CCDC102B: variants seen among roughly 807,000 people sequenced by gnomAD.
CCDC102B encodes coiled-coil domain containing 102B.
Under a neutral mutation model 57.4 loss-of-function variants are expected in CCDC102B, and 75 were observed. That is an observed-to-expected ratio of 1.31 (90% confidence interval 1.08 to 1.58). The LOEUF is 1.58. Among genes scored for constraint, CCDC102B ranks in the 40% most tolerant of loss-of-function variants. The pLI, the probability that CCDC102B is intolerant of heterozygous loss-of-function variation, is 0.00. For synonymous variants in CCDC102B, 206 were observed against 201.9 expected (o/e 1.02, Z -0.17); for missense variants, 636 against 582.6 (o/e 1.09, Z -0.94).
Position 68,857,369 on chromosome 18 carries a change from C to A in CCDC102B, c.936+10948C>A, listed in dbSNP as rs181328909. 3.7e-3 allele frequency among the ~76,000 whole-genome samples: 294 copies of A among 78,756 alleles called. 5 individuals are homozygous for A. The highest frequency in any genetic ancestry group is 0.012 in the African/African-American group (271 of 22,328). 51.7% of individuals were successfully genotyped at this position (78,756 alleles called of 152,430 possible). A position where few individuals can be genotyped will look rare whatever the true frequency, so the allele number is the denominator to read the frequency against. On this transcript the variant is annotated intron_variant, in intron 4 of 7. Coordinates refer to ENST00000360242, the MANE Select transcript of CCDC102B (RefSeq NM_024781.3). ...ATATTATAAATATATATATTTATTT[C>A]TATATATAAATATATATTTATTATT...
chr18:69,050,100 C>T (rs58778567), intron 7 of CCDC102B, among the ~76,000 whole-genome samples: 4,964 of 152,208 alleles, frequency 0.033, 282 homozygotes, highest in African/African-American at 0.11. Context: ...TGAGCCACTG[C>T]GCACGGCCTT....
intron 6 of CCDC102B, among the ~76,000 whole-genome samples, chr18:68,989,866 G>T (rs1243911792): frequency 1.3e-5 from 2 of 152,120 alleles, no homozygotes; most frequent in Non-Finnish European, 2.9e-5. Flanking sequence ...TAACCGCTCC[G>T]CTATCAGCTC....
intron 7 of CCDC102B, among the ~76,000 whole-genome samples, chr18:69,017,068 TAAG>T (rs1184691903): frequency 7.0e-6 from 1 of 143,476 alleles, no homozygotes; most frequent in Non-Finnish European, 1.6e-5. Context: ...GTGTTATTAA[TAAG>T]ATTTACTTTT....
At chr18:68,793,665 C>A (rs958444016), upstream of CCDC102B, among the ~76,000 whole-genome samples, 1 of 152,080 alleles carries the variant, frequency 6.6e-6, no homozygotes, top group Non-Finnish European at 1.5e-5. Context: ...AATGATGAGA[C>A]CAAGATATGT....
chr18:69,016,544 G>A lies in CCDC102B; in HGVS notation c.1434+5440G>A, dbSNP rs563027217. On this transcript the variant is annotated intron_variant, in intron 7 of 7. Coordinates refer to ENST00000360242, the MANE Select transcript of CCDC102B (RefSeq NM_024781.3). ...TCAATTATCACCCTGCCATGATAAC[G>A]TGTTACCTTAGTGTATGGGCTTCAA... is the stretch of plus-strand genomic sequence containing the variant. Among the ~76,000 whole-genome samples, 7 of 152,264 alleles carry A rather than the reference G, an allele frequency of 4.6e-5. No individual in the cohort carries two copies. The East Asian group carries it at 1.2e-3, about 25-fold the overall frequency.
At chr18:68,745,140 GA>G (rs2033561957) in intron 2 of CCDC102B, among the ~76,000 whole-genome samples, 1 of 152,244 alleles carries the variant, frequency 6.6e-6, no homozygotes, top group East Asian at 1.9e-4. Context: ...CAGTGGAAGT[GA>G]TGGACTTCTT....
At chr18:69,012,188 A>G (rs946272424) in intron 7 of CCDC102B, among the ~76,000 whole-genome samples, 1 of 152,174 alleles carries the variant, frequency 6.6e-6, no homozygotes, top group Non-Finnish European at 1.5e-5. Context: ...TATAGTAGGA[A>G]GGCTCAAGAA....
intron 2 of CCDC102B, among the ~76,000 whole-genome samples, chr18:68,726,272 A>C (rs750653870): frequency 1.3e-5 from 2 of 152,144 alleles, no homozygotes; most frequent in Non-Finnish European, 2.9e-5. Flanking sequence ...TACTAATTGG[A>C]TATGAAAAAT....
chr18:68,900,763 T>C (rs1041947962), intron 6 of CCDC102B, among the ~76,000 whole-genome samples: 1 of 152,126 alleles, frequency 6.6e-6, no homozygotes, highest in Non-Finnish European at 1.5e-5. Flanking sequence ...ATAGGAACAT[T>C]AAAAGAACAC....
chr18:68,789,351 T>C (rs1191689869), intron 2 of CCDC102B, among the ~76,000 whole-genome samples: 1 of 152,108 alleles, frequency 6.6e-6, no homozygotes, highest in Admixed American at 6.5e-5. Context: ...GCGTTCTCTG[T>C]ATTTCCTGAA....
chr18:68,838,503 T>TA (rs1343349742), intron 2 of CCDC102B: 4 of 985,110 alleles, frequency 4.1e-6, no homozygotes, highest in Admixed American at 6.2e-5. Context: ...GTATTTTTTT[T>TA]ATGAGAAAGT....
intron 6 of CCDC102B, among the ~76,000 whole-genome samples, chr18:68,954,906 A>G (rs1445676118): frequency 6.6e-6 from 1 of 152,208 alleles, no homozygotes; most frequent in African/African-American, 2.4e-5. Flanking sequence ...CTTGAGTACA[A>G]TAACATCAGT....
chr18:68,906,841 T>A (rs2040665039), intron 6 of CCDC102B, among the ~76,000 whole-genome samples: 1 of 151,986 alleles, frequency 6.6e-6, no homozygotes, highest in Admixed American at 6.6e-5. Context: ...CTATTTTTTT[T>A]TTTTTTTTGT....
chr18:68,906,448 G>A (rs1052900150), intron 6 of CCDC102B, among the ~76,000 whole-genome samples: 5 of 152,098 alleles, frequency 3.3e-5, no homozygotes, highest in African/African-American at 4.8e-5. Flanking sequence ...CCAGCAATAC[G>A]TGAGGGTTTT....
intron 6 of CCDC102B, chr18:68,992,648 G>C (rs959975878): frequency 1.3e-5 from 2 of 152,546 alleles, no homozygotes; most frequent in Non-Finnish European, 2.9e-5. Context: ...TTTGGAAGGG[G>C]GAAGAAGAGG....
intron 7 of CCDC102B, among the ~76,000 whole-genome samples, chr18:69,049,973 C>A (rs1288078942): frequency 6.6e-6 from 1 of 152,050 alleles, no homozygotes; most frequent in Non-Finnish European, 1.5e-5. Context: ...CCATGCCCGG[C>A]TAATTTTTGT....
chr18:68,893,792 A>G (rs565678710), intron 5 of CCDC102B, among the ~76,000 whole-genome samples: 2 of 152,276 alleles, frequency 1.3e-5, no homozygotes, highest in East Asian at 3.9e-4. Flanking sequence ...CGGAATAATC[A>G]CAATATTACA....
At chr18:69,004,504 TGA>T (rs2051287608) in intron 6 of CCDC102B, among the ~76,000 whole-genome samples, 1 of 152,122 alleles carries the variant, frequency 6.6e-6, no homozygotes. Context: ...AGAGTTGTTG[TGA>T]GACAGATTTT....
At position 68,906,893 on chromosome 18, in the gene CCDC102B, A is replaced by T. The variant is rs559031118; in HGVS notation, c.1263+9465A>T. Among the ~76,000 whole-genome samples, 9 of 148,662 alleles carry T rather than the reference A, an allele frequency of 6.1e-5. No homozygotes were observed. In the South Asian group the frequency reaches 1.7e-3, roughly 29 times the overall value. On this transcript the variant is annotated intron_variant, in intron 6 of 7. Transcript: ENST00000360242. ...TTCATATCTAAAAACCCATTGTTAA[A>T]CCCAAGATTCTCCCCTATGTTTATT... is the stretch of plus-strand genomic sequence containing the variant.
Sources: allele counts gnomAD v4.1 joint callset (sites outside exome capture counted in the v4.1 genomes callset), GRCh38; gene constraint gnomAD v4.1.1; transcripts MANE v1.5; gene names NCBI Gene and HGNC (gene_info 2026-07-23, HGNC 2026-07-21).